Variants in IGSF5 observed in about 807,000 individuals in gnomAD.
The protein encoded by IGSF5 is immunoglobulin superfamily 5 like.
IGSF5 carries 41 observed loss-of-function variants against 39.4 expected under a neutral mutation model. That is an observed-to-expected ratio of 1.04 (90% CI 0.81 to 1.35). IGSF5 has a LOEUF of 1.35. IGSF5 is among the 40% of genes most tolerant of loss of function. The pLI is 0.00. For missense variants in IGSF5, 487 were observed against 494.6 expected (o/e 0.98, Z 0.15); for synonymous variants, 183 against 175.3 (o/e 1.04, Z -0.34).
In IGSF5 at chr21:39,793,632, C is replaced by A; in HGVS notation, c.1128+19C>A. 1 of 1,603,340 alleles carries A rather than the reference C, an allele frequency of 6.2e-7. No individual in the cohort carries two copies. Among genetic ancestry groups the A allele is most frequent in the Non-Finnish European group, 8.5e-7 (1 of 1,171,754 alleles). On this transcript the variant is annotated intron_variant, in intron 8 of 8. Coordinates refer to ENST00000380588, the MANE Select transcript of IGSF5 (RefSeq NM_001080444.2). Reference sequence around the variant, plus strand: ...TCACCAGGTAGTTTAGACCATTTTCCCCCTTTTTGGACTTTTTTGGCTATT... The same window carrying A: ...TCACCAGGTAGTTTAGACCATTTTCACCCTTTTTGGACTTTTTTGGCTATT...
At chr21:39,791,641 G>A (rs532074933) in intron 6 of IGSF5, 21 of 185,488 alleles carry the variant, frequency 1.1e-4, no homozygotes, top group Non-Finnish European at 2.2e-4. Flanking sequence ...TGAGCTGATA[G>A]ATGTAACCGT....
chr21:39,738,896 T>C, the IGSF5 span, among the ~76,000 whole-genome samples: 1 of 151,934 alleles, frequency 6.6e-6, no homozygotes, highest in Non-Finnish European at 1.5e-5. This position sits in a 1 kb window ranked among gnomAD's most constrained non-coding sequence, Gnocchi z 6.4. Flanking sequence ...AGAAGCTTTT[T>C]TTTTGTTTTG....
chr21:39,721,369 C>T, the IGSF5 span, among the ~76,000 whole-genome samples: 9 of 152,276 alleles, frequency 5.9e-5, no homozygotes, highest in Middle Eastern at 3.4e-3. Flanking sequence ...GGAAAGCAAT[C>T]GTTCCACCCA....
In IGSF5 at chr21:39,745,440, A is replaced by T. The variant is rs1001851309; in HGVS notation, c.-70A>T. On this transcript the variant is annotated 5_prime_UTR_variant, in exon 1 of 9. It adds an upstream start codon to the 5' untranslated region. Transcript: ENST00000380588. ...TACCTAGGAGGCAGGGATCAGAGGA[A>T]GTAGATTCAGAGGTAAGGAGAATTT... 6.5e-5 allele frequency: 46 copies of T among 703,386 alleles called. No homozygotes were observed. Among genetic ancestry groups the T allele is most frequent in the African/African-American group, 6.5e-4 (37 of 57,016 alleles). 43.6% of individuals were successfully genotyped at this position (703,386 alleles called of 1,614,324 possible).
At chr21:39,756,496 C>T (rs1313905218) in intron 2 of IGSF5, among the ~76,000 whole-genome samples, 1 of 152,184 alleles carries the variant, frequency 6.6e-6, no homozygotes, top group African/African-American at 2.4e-5. Flanking sequence ...ATTATAAAGT[C>T]TCTCCTCAAA....
chr21:39,800,569 T>C (rs2087023076), intron 8 of IGSF5, among the ~76,000 whole-genome samples: 1 of 152,302 alleles, frequency 6.6e-6, no homozygotes, highest in African/African-American at 2.4e-5. Flanking sequence ...TGAGCCAGAG[T>C]AATTCTATCC....
At chr21:39,774,503 G>C (rs1424155807) in intron 4 of IGSF5, among the ~76,000 whole-genome samples, 1 of 152,186 alleles carries the variant, frequency 6.6e-6, no homozygotes, top group Non-Finnish European at 1.5e-5. Context: ...TAGTTCAAAA[G>C]GTTTCTTTAG....
intron 4 of IGSF5, among the ~76,000 whole-genome samples, chr21:39,773,130 C>T (rs1338715330): frequency 6.6e-6 from 1 of 152,152 alleles, no homozygotes; most frequent in Admixed American, 6.5e-5. Flanking sequence ...CCTCCTCCCA[C>T]CCTCCACCCT....
At chr21:39,775,556 T>G (rs1447885698) in intron 4 of IGSF5, among the ~76,000 whole-genome samples, 2 of 152,224 alleles carry the variant, frequency 1.3e-5, no homozygotes, top group Non-Finnish European at 2.9e-5. Flanking sequence ...TGGGAAATGC[T>G]ATTTTCCTTT....
the IGSF5 span, among the ~76,000 whole-genome samples, chr21:39,733,113 TAAAAG>T: frequency 2.0e-5 from 3 of 152,026 alleles, no homozygotes; most frequent in Non-Finnish European, 4.4e-5. Context: ...AAAGACAAAA[TAAAAG>T]AAAACAATAA....
chr21:39,764,891 C>A (rs933321243), intron 2 of IGSF5, among the ~76,000 whole-genome samples: 11 of 152,156 alleles, frequency 7.2e-5, no homozygotes, highest in Non-Finnish European at 1.5e-4. Context: ...GTACGAAATT[C>A]AGAGTGAAAG....
intron 4 of IGSF5, among the ~76,000 whole-genome samples, chr21:39,774,968 C>A (rs975679710): frequency 6.6e-6 from 1 of 152,232 alleles, no homozygotes; most frequent in African/African-American, 2.4e-5. Context: ...GAAGTCCTCT[C>A]TCCCGGCTGT....
intron 2 of IGSF5, among the ~76,000 whole-genome samples, chr21:39,752,810 C>A (rs1206769450): frequency 6.6e-6 from 1 of 151,576 alleles, no homozygotes; most frequent in Non-Finnish European, 1.5e-5. Context: ...TGAGAATTGT[C>A]TATTCATGTT....
At chr21:39,776,207 G>GATAT (rs150607847) in intron 4 of IGSF5, among the ~76,000 whole-genome samples, 108,375 of 150,238 alleles carry the variant, frequency 0.72, 40,086 homozygotes, top group Admixed American at 0.81. Context: ...TATGTGTATA[G>GATAT]ATATAAAATA....
intron 4 of IGSF5, among the ~76,000 whole-genome samples, chr21:39,776,146 A>T (rs1374220804): frequency 1.3e-5 from 2 of 152,082 alleles, no homozygotes; most frequent in Non-Finnish European, 2.9e-5. Flanking sequence ...CACTCTTTTT[A>T]AAAAAATTAG....
intron 6 of IGSF5, among the ~76,000 whole-genome samples, chr21:39,788,798 T>C (rs1180387578): frequency 2.0e-5 from 3 of 152,220 alleles, no homozygotes; most frequent in Non-Finnish European, 4.4e-5. Context: ...AATGTTAACA[T>C]AGCCATATGT....
At chr21:39,782,529 C>T (rs548129510) in intron 5 of IGSF5, among the ~76,000 whole-genome samples, 1 of 152,154 alleles carries the variant, frequency 6.6e-6, no homozygotes, top group African/African-American at 2.4e-5. Context: ...CGCTTCCCCC[C>T]AGTCCCTGGC....
chr21:39,794,752 G>A (rs1005919778), intron 8 of IGSF5, among the ~76,000 whole-genome samples: 3 of 152,148 alleles, frequency 2.0e-5, no homozygotes, highest in Non-Finnish European at 2.9e-5. Flanking sequence ...GGGCCAGATG[G>A]GTTGGGTTTG....
chr21:39,782,371 T>G (rs2146288615), intron 5 of IGSF5, among the ~76,000 whole-genome samples: 1 of 152,318 alleles, frequency 6.6e-6, no homozygotes, highest in African/African-American at 2.4e-5. Context: ...CTACATAAAA[T>G]TTTCCATTTT....
Sources: allele counts gnomAD v4.1 joint callset (sites outside exome capture counted in the v4.1 genomes callset), GRCh38; gene constraint gnomAD v4.1.1; non-coding constraint Gnocchi (gnomAD v3.1); transcripts MANE v1.5; gene names NCBI Gene and HGNC (gene_info 2026-07-23, HGNC 2026-07-21).